TMEM132D: variants seen among roughly 807,000 people sequenced by gnomAD.
TMEM132D encodes mature OL transmembrane protein.
TMEM132D carries 21 observed loss-of-function variants against 62.3 expected under a neutral mutation model. That is an observed-to-expected ratio of 0.34 (90% CI 0.24 to 0.49). TMEM132D has a LOEUF of 0.49. Ranked by LOEUF, TMEM132D falls within the 20% of genes least tolerant of loss-of-function variation. The pLI is 0.99. For synonymous variants in TMEM132D, 621 were observed against 575.6 expected, an observed-to-expected ratio of 1.08 and a Z score of -1.13; for missense variants, 1,346 against 1,402.8, an observed-to-expected ratio of 0.96 and a Z score of 0.65.
At chr12:129,353,779 T>A (rs1869949239) in intron 3 of TMEM132D, among the ~76,000 whole-genome samples, 1 of 151,994 alleles carries the variant, frequency 6.6e-6, no homozygotes, top group African/African-American at 2.4e-5. Flanking sequence ...CTTGCCATCA[T>A]CCATTGTATG....
At chr12:129,375,220 C>T (rs1019357024) in intron 3 of TMEM132D, among the ~76,000 whole-genome samples, 5 of 152,230 alleles carry the variant, frequency 3.3e-5, no homozygotes, top group Admixed American at 6.5e-5. Context: ...ATGTTATGCT[C>T]AGCCTTATAA....
At chr12:129,896,365 G>C (rs1875131659) in intron 1 of TMEM132D, among the ~76,000 whole-genome samples, 1 of 152,162 alleles carries the variant, frequency 6.6e-6, no homozygotes, top group Non-Finnish European at 1.5e-5. Flanking sequence ...AGAAAGGAGA[G>C]GCCAGGGCAG....
At chr12:129,697,464 C>A (rs552133832) in intron 2 of TMEM132D, among the ~76,000 whole-genome samples, 2 of 152,138 alleles carry the variant, frequency 1.3e-5, no homozygotes, top group South Asian at 4.2e-4. Flanking sequence ...ATAATCAGAG[C>A]GTTTTAAGTA....
intron 4 of TMEM132D, among the ~76,000 whole-genome samples, chr12:129,249,046 C>T (rs79037080): frequency 0.015 from 2,299 of 152,148 alleles, 57 homozygotes; most frequent in East Asian, 0.05. Context: ...ATAAAGAAAA[C>T]GTGGCACTTA....
At chr12:129,334,049 G>A (rs1869199063) in intron 4 of TMEM132D, among the ~76,000 whole-genome samples, 4 of 152,070 alleles carry the variant, frequency 2.6e-5, no homozygotes, top group African/African-American at 7.2e-5. Context: ...TGAACCTGGG[G>A]GGCAGAGGTT....
chr12:129,079,545 C>T (rs985187142), intron 7 of TMEM132D, among the ~76,000 whole-genome samples: 3 of 152,240 alleles, frequency 2.0e-5, no homozygotes, highest in Non-Finnish European at 2.9e-5. Flanking sequence ...AGACTCCTCA[C>T]AGCCCCGTAT....
Position 129,872,979 on chromosome 12 carries a change from ATCCT to A in TMEM132D, c.79+30278_79+30281del, listed in dbSNP as rs528989549. Among the ~76,000 whole-genome samples the A allele has an allele frequency of 3.4e-4, 52 of 152,318 alleles. No individual in the cohort carries two copies. In the South Asian group the frequency reaches 0.011, roughly 31 times the overall value. ...GCATTATTCCCTTGTGAAAAAAATG[ATCCT>A]TCATTCAGCGTGAAGAAGGCGGCTC... On this transcript the variant is annotated intron_variant, in intron 1 of 8. Transcript: ENST00000422113.
chr12:129,508,237 A>G (rs1028131286), intron 3 of TMEM132D, among the ~76,000 whole-genome samples: 12 of 152,314 alleles, frequency 7.9e-5, no homozygotes, highest in African/African-American at 2.6e-4. Context: ...AAGTTATACA[A>G]TCCATTGAAA....
At chr12:129,362,528 T>A (rs552550085) in intron 3 of TMEM132D, among the ~76,000 whole-genome samples, 17 of 147,394 alleles carry the variant, frequency 1.2e-4, no homozygotes, top group African/African-American at 3.5e-4. Context: ...TCATGACATT[T>A]AAAAAAAAAA....
intron 4 of TMEM132D, among the ~76,000 whole-genome samples, chr12:129,330,504 G>A (rs117436794): frequency 0.017 from 2,651 of 152,290 alleles, 38 homozygotes; most frequent in Middle Eastern, 0.058. Context: ...TAATCCATTC[G>A]TGGATGTGAA....
intron 2 of TMEM132D, among the ~76,000 whole-genome samples, chr12:129,539,217 G>A (rs1219351351): frequency 6.7e-6 from 1 of 148,552 alleles, no homozygotes; most frequent in African/African-American, 2.5e-5. Flanking sequence ...TAAAACTCGT[G>A]AAATGTTTAT....
At chr12:129,084,234 TA>T in intron 6 of TMEM132D, among the ~76,000 whole-genome samples, 1 of 152,164 alleles carries the variant, frequency 6.6e-6, no homozygotes, top group East Asian at 1.9e-4. Context: ...GGATAAGACT[TA>T]AATTCAGGAC....
Position 129,294,676 on chromosome 12 carries a change from T to C in TMEM132D, c.1299+42958A>G, listed in dbSNP as rs542148342. Among the ~76,000 whole-genome samples the C allele has an allele frequency of 2.0e-5, 3 of 152,350 alleles. No individual in the cohort carries two copies. In the East Asian group the frequency reaches 5.8e-4, roughly 29 times the overall value. On this transcript the variant is annotated intron_variant, in intron 4 of 8. Transcript: ENST00000422113. ...TCCTGTTTTCAGCTCTATCACACAC[T>C]GTATATTTCCAAGATACCAGGAACC...
intron 5 of TMEM132D, among the ~76,000 whole-genome samples, chr12:129,186,877 G>A (rs1473349545): frequency 3.3e-5 from 5 of 152,084 alleles, no homozygotes; most frequent in African/African-American, 4.8e-5. Context: ...TTTCAATTAT[G>A]AAATTTAAAA....
Position 129,451,051 on chromosome 12 carries a change from C to T in TMEM132D, c.1115+80008G>A, listed in dbSNP as rs145749526. Among the ~76,000 whole-genome samples, 970 of 152,178 alleles carry T rather than the reference C, an allele frequency of 6.4e-3. 9 individuals carry two copies. Among genetic ancestry groups the T allele is most frequent in the African/African-American group, 0.022 (915 of 41,526 alleles). ...TGCTGGGATTACAGGCGTGAGCCAC[C>T]GCGCCCGGCCAATTTTCATCACTTC... On this transcript the variant is annotated intron_variant, in intron 3 of 8. Coordinates refer to ENST00000422113, the MANE Select transcript of TMEM132D (RefSeq NM_133448.3).
chr12:129,587,245 T>C lies in TMEM132D; in HGVS notation c.969-56040A>G, dbSNP rs567633080. Among the ~76,000 whole-genome samples the C allele has an allele frequency of 4.6e-5, 7 of 152,190 alleles. 1 individual carries two copies. The South Asian group carries it at 1.5e-3, about 32-fold the overall frequency. On this transcript the variant is annotated intron_variant, in intron 2 of 8. Coordinates refer to ENST00000422113, the MANE Select transcript of TMEM132D (RefSeq NM_133448.3). ...TGAGATCATGTCCTTTACAGGGACA[T>C]GGATGGAGATAGAGGCCATTATCCT...
intron 3 of TMEM132D, among the ~76,000 whole-genome samples, chr12:129,483,144 G>A (rs1434366781): frequency 3.3e-5 from 5 of 152,216 alleles, no homozygotes; most frequent in Non-Finnish European, 7.4e-5. Flanking sequence ...CACAAAATCC[G>A]CTGTCAGATA....
At chr12:129,075,112 C>G (rs1874210146) in intron 8 of TMEM132D, 53 bp from the exon 9 acceptor site, 1 of 1,494,864 alleles carries the variant, frequency 6.7e-7, no homozygotes, top group South Asian at 1.2e-5. Context: ...CTCATTGAGC[C>G]CCAAGTCTTA....
At chr12:129,337,988 C>A (rs1374142138) in intron 3 of TMEM132D, among the ~76,000 whole-genome samples, 171 bp from the exon 4 acceptor site, 1 of 152,238 alleles carries the variant, frequency 6.6e-6, no homozygotes, top group Non-Finnish European at 1.5e-5. Flanking sequence ...AACAAAGGAG[C>A]TTTAATATGC....
Sources: allele counts gnomAD v4.1 joint callset (sites outside exome capture counted in the v4.1 genomes callset), GRCh38; gene constraint gnomAD v4.1.1; transcripts MANE v1.5; gene names NCBI Gene and HGNC (gene_info 2026-07-23, HGNC 2026-07-21).